The following MAGI1 variants were observed in gnomAD, a reference collection of about 807,000 sequenced individuals.
MAGI1 encodes the protein membrane-associated guanylate kinase, WW and PDZ domain-containing protein 1.
A neutral mutation model predicts 139.9 loss-of-function variants in MAGI1; 58 were observed. The observed-to-expected ratio is 0.41, with a 90% CI of 0.34 to 0.52. The LOEUF (loss-of-function observed/expected upper bound fraction) is 0.52, where lower values mean the gene tolerates loss of function less well. Ranked by LOEUF, MAGI1 falls within the 20% of genes least tolerant of loss-of-function variation. The pLI, the probability that MAGI1 is intolerant of heterozygous loss-of-function variation, is 0.12. For synonymous variants in MAGI1, 812 were observed against 737.9 expected (o/e 1.10, Z -1.63); for missense variants, 1,874 against 1,901.6 (o/e 0.99, Z 0.27).
At chr3:65,399,411 G>A (rs1289950565) in intron 13 of MAGI1, among the ~76,000 whole-genome samples, 1 of 152,138 alleles carries the variant, frequency 6.6e-6, no homozygotes, top group African/African-American at 2.4e-5. Flanking sequence ...GATGTTAGCA[G>A]CACTTTACAT....
chr3:65,964,972 T>C (rs188828494), intron 1 of MAGI1, among the ~76,000 whole-genome samples: 1 of 152,374 alleles, frequency 6.6e-6, no homozygotes, highest in East Asian at 1.9e-4. Flanking sequence ...TAGGTACTGA[T>C]GATGCCAAGG....
chr3:65,841,577 G>A (rs545657968), intron 1 of MAGI1, among the ~76,000 whole-genome samples: 36 of 151,706 alleles, frequency 2.4e-4, no homozygotes, highest in African/African-American at 7.7e-4. Flanking sequence ...ACAGGTGACC[G>A]CCACCACACC....
chr3:65,883,124 G>A (rs1005237754), intron 1 of MAGI1, among the ~76,000 whole-genome samples: 1 of 152,056 alleles, frequency 6.6e-6, no homozygotes, highest in Admixed American at 6.6e-5. Flanking sequence ...GGCTCAAGCT[G>A]TAGTAAAACG....
chr3:65,701,018 T>A (rs2107610453), intron 1 of MAGI1, among the ~76,000 whole-genome samples: 1 of 152,252 alleles, frequency 6.6e-6, no homozygotes, highest in South Asian at 2.1e-4. Context: ...ATCAGGGGGC[T>A]CATTACCAAC....
intron 1 of MAGI1, among the ~76,000 whole-genome samples, chr3:65,936,782 A>C (rs2063074550): frequency 6.6e-6 from 1 of 152,088 alleles, no homozygotes; most frequent in Non-Finnish European, 1.5e-5. Flanking sequence ...TCGAGGCTGG[A>C]GTACAGTAGC....
At chr3:65,589,509 C>T (rs2081860302) in intron 2 of MAGI1, among the ~76,000 whole-genome samples, 1 of 152,148 alleles carries the variant, frequency 6.6e-6, no homozygotes, top group African/African-American at 2.4e-5. Flanking sequence ...CCCTGTCTTC[C>T]TTGCCTTAGC....
At chr3:65,372,587 G>C (rs1206220596) in intron 18 of MAGI1, among the ~76,000 whole-genome samples, 1 of 152,094 alleles carries the variant, frequency 6.6e-6, no homozygotes, top group Non-Finnish European at 1.5e-5. Context: ...ACTAGGCATT[G>C]ATGTCTCCTC....
intron 1 of MAGI1, among the ~76,000 whole-genome samples, chr3:65,886,255 T>C (rs1003694815): frequency 1.3e-5 from 2 of 152,202 alleles, no homozygotes; most frequent in Non-Finnish European, 2.9e-5. Context: ...ATTAGCAAGA[T>C]TATATGTTGT....
chr3:65,419,221 T>TACACACACACACACACACACACAC (rs71102854), intron 12 of MAGI1, among the ~76,000 whole-genome samples: 13 of 86,272 alleles, frequency 1.5e-4, no homozygotes, highest in African/African-American at 8.0e-4. Context: ...AACACATTCA[T>TACACACACACACACACACACACAC]ACACACACAC....
intron 1 of MAGI1, chr3:65,902,785 T>C (rs1315362192): frequency 6.5e-6 from 1 of 152,706 alleles, no homozygotes; most frequent in Non-Finnish European, 1.5e-5. Flanking sequence ...AGCTTGGGAA[T>C]CAGACCAGAT....
intron 1 of MAGI1, among the ~76,000 whole-genome samples, chr3:66,026,840 G>C (rs2068292092): frequency 1.0e-5 from 1 of 96,306 alleles, no homozygotes; most frequent in African/African-American, 3.3e-5. Context: ...ATCTTCCGTG[G>C]GGTCACCAAG....
chr3:65,595,437 G>T (rs1245638288), intron 2 of MAGI1, among the ~76,000 whole-genome samples: 1 of 152,174 alleles, frequency 6.6e-6, no homozygotes, highest in African/African-American at 2.4e-5. Flanking sequence ...ACTCAGGGTT[G>T]GTAGTTCCAG....
At chr3:65,979,095 C>CCG (rs1553742296) in intron 1 of MAGI1, among the ~76,000 whole-genome samples, 31 of 57,804 alleles carry the variant, frequency 5.4e-4, no homozygotes, top group Admixed American at 1.9e-3. Context: ...TCTTCCCCCC[C>CCG]CCCGCCACCC....
intron 1 of MAGI1, among the ~76,000 whole-genome samples, chr3:65,852,629 A>G (rs1261805534): frequency 2.0e-5 from 3 of 150,732 alleles, no homozygotes; most frequent in Non-Finnish European, 4.4e-5. Flanking sequence ...TCAACCTCCC[A>G]AGTAGCTGGG....
rs1266451906 is a variant in MAGI1 at position 65,891,906 on chromosome 3, A to G, written c.313+146090T>C. Among the ~76,000 whole-genome samples the G allele has an allele frequency of 1.7e-4, 12 of 69,898 alleles. No homozygotes were observed. The South Asian group carries it at 2.6e-3, about 15-fold the overall frequency. The allele number at this position is 69,898 out of a possible 152,430, so 45.9% of individuals were successfully genotyped here. A position where few individuals can be genotyped will look rare whatever the true frequency, so the allele number is the denominator to read the frequency against. On this transcript the variant is annotated intron_variant, in intron 1 of 22. Coordinates refer to ENST00000402939, the MANE Select transcript of MAGI1 (RefSeq NM_001033057.2). ...GTATAATATATATATATATATATATATATATATATATATATATATATATAT... is the reference window on the plus strand; with the variant it reads ...GTATAATATATATATATATATATATGTATATATATATATATATATATATAT...
At chr3:65,760,229 C>T (rs1183488619) in intron 1 of MAGI1, among the ~76,000 whole-genome samples, 1 of 151,776 alleles carries the variant, frequency 6.6e-6, no homozygotes, top group Admixed American at 6.6e-5. Context: ...AGGAGGTTCA[C>T]AATAAATGTC....
intron 1 of MAGI1, among the ~76,000 whole-genome samples, chr3:65,831,485 T>TA (rs2042525605): frequency 1.3e-5 from 2 of 152,156 alleles, no homozygotes; most frequent in African/African-American, 4.8e-5. Context: ...TATAACCACA[T>TA]ACACGGTTGA....
chr3:65,644,660 G>A (rs1043376867), intron 1 of MAGI1, among the ~76,000 whole-genome samples: 3 of 152,076 alleles, frequency 2.0e-5, no homozygotes, highest in African/African-American at 7.2e-5. Context: ...ACAAGAAAAT[G>A]GAGGAGACAG....
rs1219467097 is a variant in MAGI1, at chr3:65,430,060, G to A, written c.1627C>T (p.Pro543Ser). The A allele has an allele frequency of 6.2e-7, 1 of 1,613,812 alleles. No individual in the cohort carries two copies. The highest frequency in any genetic ancestry group is 8.5e-7 in the Non-Finnish European group (1 of 1,179,886). ...TCAAGGTCCACGCTGGCACCAATGG[G>A]GATGGACTGGAAGATCTTCACAACT... ...AQVVKIFQSI[P>S]IGASVDLELC... Residue 543 changes from proline to serine, a missense_variant, in exon 12 of 23, where the codon CCC (proline) becomes TCC (serine). Physicochemically the swap from Pro to Ser is moderately conservative, Grantham distance 74 (BLOSUM62 -1). Transcript: ENST00000402939.
Sources: gnomAD v4.1 joint callset for allele counts (sites outside exome capture counted in the v4.1 genomes callset) on GRCh38, gnomAD v4.1.1 for gene constraint, MANE v1.5 for transcripts, NCBI Gene and HGNC (gene_info 2026-07-23, HGNC 2026-07-21) for gene names.